The following MAP4 variants were observed in gnomAD, a reference collection of about 807,000 sequenced individuals.
The protein encoded by MAP4 is microtubule associated protein 4, also known as microtubule-associated protein 4.
In MAP4, 76 loss-of-function variants were observed where a neutral mutation model predicts 170.2. The observed-to-expected ratio is 0.45, with a 90% confidence interval of 0.37 to 0.54. The LOEUF (loss-of-function observed/expected upper bound fraction) is 0.54, where lower values mean the gene tolerates loss of function less well. Among genes scored for constraint, MAP4 ranks in the 20% least tolerant of loss-of-function variants. The pLI is 0.00. For synonymous variants in MAP4, 909 were observed against 994.5 expected (o/e 0.91, Z 1.62); for missense variants, 2,506 against 2,748.0 (o/e 0.91, Z 1.97).
chr3:48,081,041 G>A (rs754076903), intron 1 of MAP4, among the ~76,000 whole-genome samples: 7 of 152,164 alleles, frequency 4.6e-5, no homozygotes, highest in African/African-American at 7.2e-5. Context: ...GGAGAATGGC[G>A]TGAACCCGGG....
At chr3:47,894,772 T>C (rs2100025900) in intron 10 of MAP4, among the ~76,000 whole-genome samples, 1 of 151,936 alleles carries the variant, frequency 6.6e-6, no homozygotes, top group African/African-American at 2.4e-5. Context: ...ACACCTGTAA[T>C]CCCAGCACTT....
intron 1 of MAP4, among the ~76,000 whole-genome samples, chr3:48,079,746 C>G (rs1219643862): frequency 1.3e-5 from 2 of 151,978 alleles, no homozygotes; most frequent in Admixed American, 6.6e-5. Context: ...GTCAGGAGAT[C>G]GAGAGCATCC....
chr3:47,903,553 T>G (rs921613811), intron 9 of MAP4, among the ~76,000 whole-genome samples: 24 of 147,954 alleles, frequency 1.6e-4, no homozygotes, highest in Admixed American at 1.5e-3. Context: ...AAAAAAAAAG[T>G]CCTTTTCTGA....
chr3:48,024,724 A>G (rs1261914465), intron 1 of MAP4, among the ~76,000 whole-genome samples: 2 of 152,224 alleles, frequency 1.3e-5, no homozygotes, highest in Non-Finnish European at 2.9e-5. Flanking sequence ...AGCATCAACT[A>G]TCCTAATTAA....
intron 10 of MAP4, chr3:47,892,539 A>C (rs1411825791): frequency 6.8e-7 from 1 of 1,472,124 alleles, no homozygotes; most frequent in East Asian, 2.5e-5. Flanking sequence ...GAGCTCTAAT[A>C]CCACCTACGA....
chr3:47,894,598 AAG>A (rs969534491), intron 10 of MAP4, among the ~76,000 whole-genome samples: 1 of 134,696 alleles, frequency 7.4e-6, no homozygotes, highest in African/African-American at 2.4e-5. Flanking sequence ...ATAAAAAAAA[AAG>A]AAAAAATATG....
chr3:47,880,642 A>T (rs967664755), intron 10 of MAP4, among the ~76,000 whole-genome samples: 15 of 151,994 alleles, frequency 9.9e-5, no homozygotes, highest in African/African-American at 3.6e-4. Context: ...ATTTACAAAA[A>T]AAATTTTTTT....
chr3:48,043,420 G>A (rs2100122696), intron 1 of MAP4, among the ~76,000 whole-genome samples: 1 of 152,076 alleles, frequency 6.6e-6, no homozygotes, highest in Non-Finnish European at 1.5e-5. Context: ...CACTTTAAGT[G>A]GGTGAATGGT....
chr3:47,857,713 C>CTT (rs112833712), intron 17 of MAP4, among the ~76,000 whole-genome samples: 1 of 145,768 alleles, frequency 6.9e-6, no homozygotes, highest in Non-Finnish European at 1.5e-5. Context: ...TCTTCACTTC[C>CTT]TTTTTTTTTT....
intron 1 of MAP4, among the ~76,000 whole-genome samples, chr3:48,033,943 G>C (rs1467079564): frequency 6.6e-6 from 1 of 152,138 alleles, no homozygotes; most frequent in South Asian, 2.1e-4. Flanking sequence ...AAATGTAGAT[G>C]AGCTACTCAA....
At chr3:47,901,075 G>T (rs988749681) in intron 10 of MAP4, among the ~76,000 whole-genome samples, 1 of 152,096 alleles carries the variant, frequency 6.6e-6, no homozygotes, top group African/African-American at 2.4e-5. Flanking sequence ...CTGTCCCCTA[G>T]AATTCTTTAC....
intron 1 of MAP4, among the ~76,000 whole-genome samples, chr3:48,042,796 T>C (rs750748495): frequency 1.3e-5 from 2 of 152,168 alleles, no homozygotes; most frequent in Non-Finnish European, 2.9e-5. Context: ...GGTACATACA[T>C]ACAATGGAAT....
At chr3:47,928,104 A>G in intron 4 of MAP4, 124 bp downstream of exon 4, 1 of 1,167,224 alleles carries the variant, frequency 8.6e-7, no homozygotes, top group South Asian at 1.6e-5. Context: ...GGACAAACCA[A>G]TGCTAAGGTT....
intron 11 of MAP4, among the ~76,000 whole-genome samples, chr3:47,876,144 T>C (rs968778233): frequency 7.4e-5 from 11 of 149,236 alleles, no homozygotes; most frequent in African/African-American, 2.4e-4. Context: ...TTCTTTTTTT[T>C]TTTTTTTGAG....
At chr3:47,953,042 G>C (rs2100065509) in intron 3 of MAP4, among the ~76,000 whole-genome samples, 1 of 152,104 alleles carries the variant, frequency 6.6e-6, no homozygotes, top group Non-Finnish European at 1.5e-5. Context: ...CAGAAAAACA[G>C]GTCAATTAGT....
At position 47,870,826 on chromosome 3, in the gene MAP4, G is replaced by C. The variant is rs2090371792; in HGVS notation, c.6281C>G (p.Pro2094Arg). The change falls in exon 15 of 21, where the codon CCT becomes CGT. Residue 2094 changes from proline (P) to arginine (R), a missense_variant. Coordinates refer to ENST00000683076, the MANE Select transcript of MAP4 (RefSeq NM_001385682.1). ...VGSTENIKHQ[P>R]GGGRAKVEKK... The stretch of plus-strand genomic sequence containing the variant: ...CCCTGGACCCACCCGGCCTCCTCCA[G>C]GCTGATGCTTGATGTTTTCCGTGGA... 1 of 1,570,438 alleles carries C rather than the reference G, an allele frequency of 6.4e-7. No individual in the cohort carries two copies.
chr3:48,059,705 C>T (rs1032867453), intron 1 of MAP4, among the ~76,000 whole-genome samples: 1 of 151,452 alleles, frequency 6.6e-6, no homozygotes, highest in Non-Finnish European at 1.5e-5. Context: ...GAGGCTGAAG[C>T]GGGTGGCTCA....
chr3:47,866,819 T>A (rs551761759), intron 17 of MAP4, among the ~76,000 whole-genome samples: 5 of 152,230 alleles, frequency 3.3e-5, no homozygotes, highest in African/African-American at 1.2e-4. Context: ...TAACAAGGAT[T>A]CAAAGATGAG....
intron 1 of MAP4, among the ~76,000 whole-genome samples, chr3:48,083,383 T>G (rs2100147556): frequency 6.6e-6 from 1 of 152,214 alleles, no homozygotes; most frequent in Admixed American, 6.5e-5. Context: ...AAAAATTTAT[T>G]TTTTGAGACA....
Sources: allele counts gnomAD v4.1 joint callset (sites outside exome capture counted in the v4.1 genomes callset), GRCh38; gene constraint gnomAD v4.1.1; transcripts MANE v1.5; gene names NCBI Gene and HGNC (gene_info 2026-07-23, HGNC 2026-07-21).